Variants in P2RX7 observed in about 807,000 individuals in gnomAD.
The protein encoded by P2RX7 is purinergic receptor P2X 7, also known as P2X purinoceptor 7.
Under a neutral mutation model 71.6 loss-of-function variants are expected in P2RX7, and 62 were observed. The observed-to-expected ratio is 0.87, with a 90% CI of 0.71 to 1.07. The LOEUF (loss-of-function observed/expected upper bound fraction) is 1.07. P2RX7 is among the 50% of genes least tolerant of loss of function. The pLI, the probability that P2RX7 is intolerant of heterozygous loss-of-function variation, is 0.00. For missense variants in P2RX7, 686 were observed against 748.5 expected, an observed-to-expected ratio of 0.92 and a Z score of 0.97; for synonymous variants, 299 against 283.3, an observed-to-expected ratio of 1.06 and a Z score of -0.56.
At chr12:121,175,178 G>C (rs1882861759) in intron 8 of P2RX7, among the ~76,000 whole-genome samples, 1 of 146,004 alleles carries the variant, frequency 6.8e-6, no homozygotes, top group African/African-American at 2.8e-5. Context: ...GAGCACGGTG[G>C]TGCATGCCTG....
Position 121,184,493 on chromosome 12 carries a change from C to G in P2RX7, c.1479C>G (p.Cys493Trp). The change falls in exon 13 of 13, where the codon TGC becomes TGG. Residue 493 changes from cysteine to tryptophan, a missense_variant. Transcript: ENST00000328963. ...LPSQLPESHR[C>W]LEELCCRKKP... is the part of the protein sequence containing the mutation. The stretch of plus-strand genomic sequence containing the variant: ...CTCAACTCCCTGAGAGCCACAGGTG[C>G]CTGGAGGAGCTGTGCTGCCGGAAAA... 6.2e-7 allele frequency: 1 copy of G among 1,614,184 alleles called. No individual in the cohort carries two copies. Among genetic ancestry groups the G allele is most frequent in the Non-Finnish European group, 8.5e-7 (1 of 1,180,000 alleles).
At chr12:121,180,317 A>G in intron 11 of P2RX7, 37 bp from the exon 12 acceptor site, 1 of 1,260,014 alleles carries the variant, frequency 7.9e-7, no homozygotes, top group Non-Finnish European at 1.1e-6. Flanking sequence ...ATAATTCTGT[A>G]CAAAAATGGG....
In P2RX7 at chr12:121,184,382, A is replaced by G. The variant is rs746691098; in HGVS notation, c.1368A>G (p.Pro456=). The G allele has an allele frequency of 6.2e-7, 1 of 1,614,112 alleles. No homozygotes were observed. The highest frequency in any genetic ancestry group is 2.2e-5 in the East Asian group (1 of 44,876). Residue 456 remains proline (P), a synonymous_variant, in exon 13 of 13, where the codon CCA becomes CCG. Coordinates refer to ENST00000328963, the MANE Select transcript of P2RX7 (RefSeq NM_002562.6). ...ACACACCCCCGATTCCTGGACAACC[A>G]GAGGAGATACAGCTGCTTAGAAAGG... ...LHDTPPIPGQ[P]EEIQLLRKEA...
At chr12:121,162,380 A>G (rs1593077116) in intron 4 of P2RX7, 44 bp from the exon 5 acceptor site, 1 of 1,611,140 alleles carries the variant, frequency 6.2e-7, no homozygotes. Flanking sequence ...TCCTCTCCGC[A>G]GTTCTTTCAC....
intron 1 of P2RX7, among the ~76,000 whole-genome samples, chr12:121,141,093 A>G (rs545478674): frequency 6.6e-6 from 1 of 152,298 alleles, no homozygotes; most frequent in Non-Finnish European, 1.5e-5. Flanking sequence ...AAATAAATAA[A>G]TAAATACATA....
At chr12:121,157,099 G>A (rs1310423565) in intron 3 of P2RX7, among the ~76,000 whole-genome samples, 1 of 152,182 alleles carries the variant, frequency 6.6e-6, no homozygotes, top group Non-Finnish European at 1.5e-5. Flanking sequence ...GCGTGTTACT[G>A]CTAGGCATTA....
intron 1 of P2RX7, among the ~76,000 whole-genome samples, chr12:121,143,181 C>T (rs1018310624): frequency 2.7e-5 from 4 of 148,176 alleles, no homozygotes; most frequent in Non-Finnish European, 6.0e-5. Context: ...GGAGTTCATT[C>T]GAGACCAGCC....
At chr12:121,176,896 C>G (rs1354979958) in intron 9 of P2RX7, among the ~76,000 whole-genome samples, 1 of 152,152 alleles carries the variant, frequency 6.6e-6, no homozygotes, top group African/African-American at 2.4e-5. Context: ...GTGGGTCTCC[C>G]CTTAATGTGT....
intron 1 of P2RX7, among the ~76,000 whole-genome samples, chr12:121,136,023 A>AAAAAATATATATATATATATAT: frequency 6.6e-5 from 1 of 15,256 alleles, no homozygotes; most frequent in African/African-American, 1.2e-4. Flanking sequence ...AAAAAAAAAA[A>AAAAAATATATATATATATATAT]ATATATATAT....
Position 121,162,317 on chromosome 12 carries a change from C to T in P2RX7, c.437-107C>T, listed in dbSNP as rs568382323. ...AGCTGCGTGGGTTGGAAAGCCTGGT[C>T]AAAGCCTAGTCTCTCGCCCGGGTTG... On this transcript the variant is annotated intron_variant, in intron 4 of 12. Coordinates refer to ENST00000328963, the MANE Select transcript of P2RX7 (RefSeq NM_002562.6). The T allele has an allele frequency of 2.3e-5, 35 of 1,494,320 alleles. No homozygotes were observed. In the Admixed American group the frequency reaches 7.2e-4, roughly 31 times the overall value. The allele number at this position is 1,494,320 out of a possible 1,614,324, so 92.6% of individuals were successfully genotyped here.
At chr12:121,174,199 C>T (rs909128052) in intron 8 of P2RX7, among the ~76,000 whole-genome samples, 2 of 151,618 alleles carry the variant, frequency 1.3e-5, no homozygotes, top group African/African-American at 4.8e-5. Context: ...AGGTGCCTGC[C>T]ACCATGCACG....
chr12:121,184,747 G>A lies in P2RX7; in HGVS notation c.1733G>A (p.Arg578Gln), dbSNP rs28360460. ...ILPSCCRWRIRKEFPKSEGQY... is the reference protein window; with the variant it reads ...ILPSCCRWRIQKEFPKSEGQY... ...CCCAGCTGCTGCCGCTGGAGGATCC[G>A]GAAAGAGTTTCCGAAGAGTGAAGGG... The change falls in exon 13 of 13, where the codon CGG becomes CAG. Residue 578 changes from arginine to glutamine, a missense_variant. Arg to Gln is a conservative substitution (Grantham distance 43). Coordinates refer to ENST00000328963, the MANE Select transcript of P2RX7 (RefSeq NM_002562.6). 8,063 of 1,555,658 alleles carry A rather than the reference G, an allele frequency of 5.2e-3. 34 individuals are homozygous for A. The highest frequency in any genetic ancestry group is 7.9e-3 in the South Asian group (671 of 84,662).
chr12:121,136,098 A>AT (rs565490982), intron 1 of P2RX7, among the ~76,000 whole-genome samples: 4 of 138,188 alleles, frequency 2.9e-5, no homozygotes, highest in South Asian at 2.3e-4. Context: ...ATATATTTAT[A>AT]TTTTTTATAT....
chr12:121,184,476 C>T lies in P2RX7; in HGVS notation c.1462C>T (p.Pro488Ser). Residue 488 changes from proline to serine, a missense_variant, in exon 13 of 13, where the codon CCT becomes TCT. By Grantham distance (74) the Pro-to-Ser change is moderately conservative. Transcript: ENST00000328963. ...TGGAAGCTGCCTCCCATCTCAACTC[C>T]CTGAGAGCCACAGGTGCCTGGAGGA... Reference protein sequence around the residue: ...QCGSCLPSQLPESHRCLEELC... With the variant: ...QCGSCLPSQLSESHRCLEELC... 6.2e-7 allele frequency: 1 copy of T among 1,614,172 alleles called. No homozygotes were observed. The highest frequency in any genetic ancestry group is 1.1e-5 in the South Asian group (1 of 91,086).
chr12:121,137,171 T>C (rs1469459324), intron 1 of P2RX7, among the ~76,000 whole-genome samples: 1 of 152,088 alleles, frequency 6.6e-6, no homozygotes, highest in African/African-American at 2.4e-5. Context: ...GGAGTAGGTG[T>C]GAGATGGGAT....
Position 121,185,010 on chromosome 12 carries a change from G to A in P2RX7, c.*208G>A, listed in dbSNP as rs200479225. On this transcript the variant is annotated 3_prime_UTR_variant, in exon 13 of 13. Transcript: ENST00000328963. ...TGAGGCACAAGAATCACTTGAACCC[G>A]GGAGGCAGAGGTTGTAGTGAGCCCA... The A allele has an allele frequency of 1.1e-4, 56 of 523,756 alleles. No homozygotes were observed. Among genetic ancestry groups the A allele is most frequent in the Non-Finnish European group, 1.4e-4 (41 of 293,386 alleles). 32.4% of individuals were successfully genotyped at this position (523,756 alleles called of 1,614,324 possible).
chr12:121,136,152 G>A (rs1223956461), intron 1 of P2RX7, among the ~76,000 whole-genome samples: 1 of 143,186 alleles, frequency 7.0e-6, no homozygotes, highest in Admixed American at 7.1e-5. Flanking sequence ...ATATATATGT[G>A]CTGAAATCTA....
In P2RX7 at chr12:121,149,234, T is replaced by A. The variant is rs75794459; in HGVS notation, c.126-5551T>A. 206 of 325,684 alleles carry A rather than the reference T, an allele frequency of 6.3e-4. 3 individuals carry two copies. In the East Asian group the frequency reaches 0.018, roughly 29 times the overall value. The allele number at this position is 325,684 out of a possible 1,614,324, so 20.2% of individuals were successfully genotyped here. ...CAGAGCAAGCAGCCTCAGGGTCCCA[T>A]GGGCCCAACCTCACCCTCCATCCTT... On this transcript the variant is annotated intron_variant, in intron 1 of 12. Transcript: ENST00000328963. This position sits in a 1 kb window ranked among gnomAD's most constrained non-coding sequence, Gnocchi z 4.7.
chr12:121,146,134 A>G (rs12820593), intron 1 of P2RX7, among the ~76,000 whole-genome samples: 7,382 of 151,138 alleles, frequency 0.049, 219 homozygotes, highest in South Asian at 0.079. Context: ...TCCCTCTTCT[A>G]CTCTTCAAAT....
Sources: gnomAD v4.1 joint callset for allele counts (sites outside exome capture counted in the v4.1 genomes callset) on GRCh38, gnomAD v4.1.1 for gene constraint, Gnocchi (gnomAD v3.1) non-coding constraint, MANE v1.5 for transcripts, NCBI Gene and HGNC (gene_info 2026-07-23, HGNC 2026-07-21) for gene names.